The following AGMO variants were observed in gnomAD, a reference collection of about 807,000 sequenced individuals.
AGMO encodes glyceryl-ether monooxygenase.
A neutral mutation model predicts 60.2 loss-of-function variants in AGMO; 75 were observed. The ratio of observed to expected loss-of-function variants is 1.25; its 90% CI spans 1.03 to 1.51. The LOEUF (loss-of-function observed/expected upper bound fraction) is 1.51, where lower values mean the gene tolerates loss of function less well. Among genes scored for constraint, AGMO ranks in the 40% most tolerant of loss-of-function variants. AGMO has a pLI of 0.00. For synonymous variants in AGMO, 261 were observed against 177.1 expected, an observed-to-expected ratio of 1.47 and a Z score of -3.76; for missense variants, 763 against 525.5, an observed-to-expected ratio of 1.45 and a Z score of -4.42.
intron 3 of AGMO, among the ~76,000 whole-genome samples, chr7:15,447,415 C>T (rs1011759826): frequency 2.0e-5 from 3 of 152,156 alleles, no homozygotes; most frequent in African/African-American, 4.8e-5. Flanking sequence ...AAGGAATTCA[C>T]GTAACTTGAC....
chr7:15,425,030 A>G (rs1453690864), intron 4 of AGMO, among the ~76,000 whole-genome samples: 1 of 152,190 alleles, frequency 6.6e-6, no homozygotes, highest in Admixed American at 6.5e-5. Context: ...CTCATATGTA[A>G]TATAAAAATA....
At chr7:15,285,846 C>G (rs1784083989) in intron 12 of AGMO, among the ~76,000 whole-genome samples, 1 of 152,116 alleles carries the variant, frequency 6.6e-6, no homozygotes, top group Non-Finnish European at 1.5e-5. Context: ...ACTACCAAAA[C>G]AGCATGACAC....
At chr7:15,121,455 C>A in the AGMO span, among the ~76,000 whole-genome samples, 1 of 152,138 alleles carries the variant, frequency 6.6e-6, no homozygotes, top group African/African-American at 2.4e-5. Flanking sequence ...AAAAGCGTTC[C>A]TATTTCTCCA....
At chr7:15,225,890 A>G (rs926961112) in intron 12 of AGMO, among the ~76,000 whole-genome samples, 4 of 151,892 alleles carry the variant, frequency 2.6e-5, no homozygotes, top group African/African-American at 9.7e-5. Flanking sequence ...CATTTTTTTC[A>G]TAATTCTCTT....
rs75788395 is a variant in AGMO, at chr7:15,249,142, G to A, written c.1264-47783C>T. Among the ~76,000 whole-genome samples, 214 of 152,194 alleles carry A rather than the reference G, an allele frequency of 1.4e-3. 1 individual carries two copies. Among genetic ancestry groups the A allele is most frequent in the African/African-American group, 4.9e-3 (202 of 41,542 alleles). ...TGTTTTCATATTTTTTCAAGAAATA[G>A]TATTCATGTGTGTGAAATTTTTTGA... On this transcript the variant is annotated intron_variant, in intron 12 of 12. Coordinates refer to ENST00000342526, the MANE Select transcript of AGMO (RefSeq NM_001004320.2).
chr7:15,373,853 G>A (rs934802353), intron 10 of AGMO, among the ~76,000 whole-genome samples: 3 of 152,076 alleles, frequency 2.0e-5, no homozygotes, highest in Admixed American at 6.5e-5. Context: ...GCCTGACAAG[G>A]TCTACAAAAG....
chr7:15,210,362 G>T (rs940136850), intron 12 of AGMO, among the ~76,000 whole-genome samples: 6 of 152,062 alleles, frequency 3.9e-5, no homozygotes, highest in Non-Finnish European at 8.8e-5. Flanking sequence ...TAGTACATAA[G>T]ATCCTCTGCT....
chr7:15,374,621 T>C (rs540723769), intron 10 of AGMO, among the ~76,000 whole-genome samples: 62 of 152,164 alleles, frequency 4.1e-4, no homozygotes, highest in Admixed American at 6.5e-4. Flanking sequence ...TCTGAAATGA[T>C]TGTTTTCAAA....
chr7:15,310,581 T>A (rs539528187), intron 12 of AGMO, among the ~76,000 whole-genome samples: 28 of 152,278 alleles, frequency 1.8e-4, no homozygotes, highest in African/African-American at 6.5e-4. Context: ...AATTAGAAAT[T>A]TGGAAATTAT....
chr7:15,421,253 G>T (rs572425564), intron 4 of AGMO, among the ~76,000 whole-genome samples: 1 of 152,182 alleles, frequency 6.6e-6, no homozygotes, highest in Non-Finnish European at 1.5e-5. Context: ...CTGTGTGCGT[G>T]GGAGAGTGTG....
intron 8 of AGMO, among the ~76,000 whole-genome samples, chr7:15,388,075 T>G (rs1042731405): frequency 6.6e-6 from 1 of 152,118 alleles, no homozygotes; most frequent in Non-Finnish European, 1.5e-5. Flanking sequence ...GCCAGGCTAA[T>G]TTTTGTAGTT....
chr7:15,311,694 A>G (rs1267886684), intron 12 of AGMO, among the ~76,000 whole-genome samples: 1 of 152,186 alleles, frequency 6.6e-6, no homozygotes, highest in Non-Finnish European at 1.5e-5. Context: ...TCAGGGACCA[A>G]TACAAAATAG....
chr7:15,470,169 T>G (rs908316894), intron 3 of AGMO, among the ~76,000 whole-genome samples: 1 of 151,972 alleles, frequency 6.6e-6, no homozygotes, highest in South Asian at 2.1e-4. Context: ...GCATAGCATG[T>G]GAAGAGTTGA....
the AGMO span, among the ~76,000 whole-genome samples, chr7:15,181,518 T>A: frequency 6.6e-6 from 1 of 152,180 alleles, no homozygotes; most frequent in African/African-American, 2.4e-5. Context: ...TCCCTCTTAT[T>A]CTACTCCTAT....
At chr7:15,412,096 C>T (rs1780629538) in intron 5 of AGMO, among the ~76,000 whole-genome samples, 2 of 152,236 alleles carry the variant, frequency 1.3e-5, no homozygotes, top group African/African-American at 4.8e-5. Context: ...CTGTTAGCTT[C>T]TGAAAACTTC....
At chr7:15,240,407 G>A (rs1010312044) in intron 12 of AGMO, among the ~76,000 whole-genome samples, 1 of 152,182 alleles carries the variant, frequency 6.6e-6, no homozygotes, top group Non-Finnish European at 1.5e-5. Flanking sequence ...AGAATTGAGA[G>A]AAGCTGAACC....
intron 1 of AGMO, 33 bp from the exon 2 acceptor site, chr7:15,560,304 T>A: frequency 6.3e-7 from 1 of 1,586,842 alleles, no homozygotes; most frequent in Non-Finnish European, 8.6e-7. Flanking sequence ...GAGATGCTAT[T>A]ATGTTCCATA....
chr7:15,353,566 T>A (rs1055984033), intron 12 of AGMO, among the ~76,000 whole-genome samples: 1 of 152,166 alleles, frequency 6.6e-6, no homozygotes, highest in Non-Finnish European at 1.5e-5. Flanking sequence ...AAAAAAGAAA[T>A]GTATTTAAAA....
At chr7:15,442,430 T>C (rs1781582479) in intron 3 of AGMO, among the ~76,000 whole-genome samples, 1 of 152,154 alleles carries the variant, frequency 6.6e-6, no homozygotes, top group African/African-American at 2.4e-5. Context: ...TTTTTGGCAT[T>C]GAGAGATGGA....
Sources: allele counts gnomAD v4.1 joint callset (sites outside exome capture counted in the v4.1 genomes callset), GRCh38; gene constraint gnomAD v4.1.1; transcripts MANE v1.5; gene names NCBI Gene and HGNC (gene_info 2026-07-23, HGNC 2026-07-21).